The following QRSL1 variants were observed in gnomAD, a reference collection of about 807,000 sequenced individuals.
The protein encoded by QRSL1 is glutamyl-tRNA(Gln) amidotransferase subunit A, mitochondrial.
Under a neutral mutation model 61.6 loss-of-function variants are expected in QRSL1, and 54 were observed. That is an observed-to-expected ratio of 0.88 (90% confidence interval 0.70 to 1.10). The LOEUF is 1.10. QRSL1 is among the 50% of genes least tolerant of loss of function. The pLI, the probability that QRSL1 is intolerant of heterozygous loss-of-function variation, is 0.00. For synonymous variants in QRSL1, 228 were observed against 225.7 expected (o/e 1.01, Z -0.09); for missense variants, 505 against 622.6 (o/e 0.81, Z 2.01).
intron 9 of QRSL1, among the ~76,000 whole-genome samples, chr6:106,656,360 T>A (rs1322018047): frequency 6.6e-6 from 1 of 152,236 alleles, no homozygotes; most frequent in Non-Finnish European, 1.5e-5. Context: ...AGTTGTATTG[T>A]CTCTTGAAAA....
chr6:106,644,381 C>G (rs940819783), intron 4 of QRSL1, among the ~76,000 whole-genome samples: 2 of 152,174 alleles, frequency 1.3e-5, no homozygotes, highest in Non-Finnish European at 2.9e-5. Flanking sequence ...TGGTCTTGAA[C>G]TCCTGGCATC....
chr6:106,659,648 T>C (rs966388869), intron 9 of QRSL1, among the ~76,000 whole-genome samples: 3 of 152,222 alleles, frequency 2.0e-5, no homozygotes, highest in Admixed American at 6.5e-5. Flanking sequence ...ACTTTTGTTA[T>C]ATTCCTTTAA....
At position 106,665,949 on chromosome 6, in the gene QRSL1, T is replaced by A. The variant is rs1236787879; in HGVS notation, c.1534T>A (p.Cys512Ser). 3.1e-6 allele frequency: 5 copies of A among 1,613,900 alleles called. No homozygotes were observed. The highest frequency in any genetic ancestry group is 4.2e-6 in the Non-Finnish European group (5 of 1,179,876). ...VIQLQELMDD[C>S]SAVLENEKLA... ...TCAACTTCAAGAACTCATGGATGAT[T>A]GTTCAGCAGTCCTTGAAAATGAAAA... The change falls in exon 11 of 11, where the codon TGT becomes AGT. Residue 512 changes from cysteine to serine, a missense_variant. Coordinates refer to ENST00000369046, the MANE Select transcript of QRSL1 (RefSeq NM_018292.5).
In QRSL1 at chr6:106,647,397, T is replaced by A. The variant is rs1435074573; in HGVS notation, c.381-1628T>A. 2.0e-5 allele frequency among the ~76,000 whole-genome samples: 3 copies of A among 151,774 alleles called. No homozygotes were observed. In the East Asian group the frequency reaches 5.9e-4, roughly 30 times the overall value. ...GCCCACACCTGTAATCTCAGCACTT[T>A]GGGAGGCCAAGGCATGGTAGTGGAT... On this transcript the variant is annotated intron_variant, in intron 4 of 10. Transcript: ENST00000369046.
chr6:106,642,267 G>A (rs140673405), intron 3 of QRSL1, among the ~76,000 whole-genome samples: 16 of 152,286 alleles, frequency 1.1e-4, no homozygotes, highest in African/African-American at 3.6e-4. Context: ...CATTGGCCAG[G>A]CTGGTCTCGA....
intron 5 of QRSL1, among the ~76,000 whole-genome samples, chr6:106,650,355 A>G (rs1777173158): frequency 6.6e-6 from 1 of 152,224 alleles, no homozygotes; most frequent in African/African-American, 2.4e-5. Context: ...TGACACTGTA[A>G]GAAAGGAAAT....
chr6:106,662,144 A>G (rs1202003111), intron 9 of QRSL1, among the ~76,000 whole-genome samples: 1 of 152,204 alleles, frequency 6.6e-6, no homozygotes, highest in Non-Finnish European at 1.5e-5. Context: ...TAAAATAAGC[A>G]TTCTTGAATT....
intron 1 of QRSL1, among the ~76,000 whole-genome samples, chr6:106,634,135 G>A (rs1018522339): frequency 1.3e-5 from 2 of 152,088 alleles, no homozygotes; most frequent in African/African-American, 4.8e-5. Context: ...GGGGAACACT[G>A]GGCAGATCTG....
At position 106,640,394 on chromosome 6, in the gene QRSL1, T is replaced by G. The variant is rs373128515; in HGVS notation, c.70T>G (p.Cys24Gly). 6 of 1,612,320 alleles carry G rather than the reference T, an allele frequency of 3.7e-6. No individual in the cohort carries two copies. The highest frequency in any genetic ancestry group is 5.1e-6 in the Non-Finnish European group (6 of 1,178,652). ...AGGCCAAATTACACCAACAGAGCTC[T>G]GTCAAAAATGTCTCTCTCTTATCAA... is the stretch of plus-strand genomic sequence containing the variant. ...KQGQITPTEL[C>G]QKCLSLIKKT... Residue 24 changes from cysteine to glycine, a missense_variant, in exon 2 of 11, where the codon TGT (cysteine) becomes GGT (glycine). Physicochemically the swap from Cys to Gly is radical, Grantham distance 159. Transcript: ENST00000369046.
rs757735553 is a variant in QRSL1, at chr6:106,642,979, C to T, written c.284-15C>T. 1.9e-6 allele frequency: 3 copies of T among 1,546,278 alleles called. No individual in the cohort carries two copies. The highest frequency in any genetic ancestry group is 2.6e-6 in the Non-Finnish European group (3 of 1,134,432). ...TGGACTGTAAAAAAAATAATAGTAA[C>T]TAAATTTTTTTCAGGTTATATACCA... On this transcript the variant is annotated splice_polypyrimidine_tract_variant and intron_variant, in intron 3 of 10. Coordinates refer to ENST00000369046, the MANE Select transcript of QRSL1 (RefSeq NM_018292.5).
At chr6:106,648,555 G>A (rs1182033406) in intron 4 of QRSL1, among the ~76,000 whole-genome samples, 2 of 152,182 alleles carry the variant, frequency 1.3e-5, no homozygotes, top group African/African-American at 4.8e-5. Flanking sequence ...CCGTAGGTAT[G>A]TCTGGGTAAA....
intron 3 of QRSL1, chr6:106,642,527 G>A (rs1277545661): frequency 3.4e-5 from 24 of 702,610 alleles, no homozygotes; most frequent in Non-Finnish European, 5.2e-6. Flanking sequence ...ACAAAACAGG[G>A]AGTTGTTTGC....
At chr6:106,635,864 C>G (rs1179978951) in intron 1 of QRSL1, among the ~76,000 whole-genome samples, 1 of 150,542 alleles carries the variant, frequency 6.6e-6, no homozygotes, top group Non-Finnish European at 1.5e-5. Context: ...GAGCGAGACT[C>G]CATTTCAAAA....
At position 106,640,886 on chromosome 6, in the gene QRSL1, G is replaced by A. The variant is rs947480865; in HGVS notation, c.248G>A (p.Gly83Asp). 1 of 1,613,660 alleles carries A rather than the reference G, an allele frequency of 6.2e-7. No homozygotes were observed. The change falls in exon 3 of 11, where the codon GGC becomes GAC. Residue 83 changes from glycine to aspartate, a missense_variant. By Grantham distance (94) the Gly-to-Asp change is moderately conservative. Coordinates refer to ENST00000369046, the MANE Select transcript of QRSL1 (RefSeq NM_018292.5). Reference sequence around the variant, plus strand: ...GTAAAAGACAATTTCAGCACTTCTGGCATTGAGACAACATGTGCATCAAAT... The same window carrying A: ...GTAAAAGACAATTTCAGCACTTCTGACATTGAGACAACATGTGCATCAAAT... The part of the protein sequence containing the change: ...IAVKDNFSTS[G>D]IETTCASNML...
chr6:106,641,462 C>T (rs1030649258), intron 3 of QRSL1, among the ~76,000 whole-genome samples: 1 of 152,134 alleles, frequency 6.6e-6, no homozygotes, highest in East Asian at 1.9e-4. Flanking sequence ...TTTCCTGATT[C>T]CTCTATCTCT....
chr6:106,643,855 C>A (rs1312255166), intron 4 of QRSL1, among the ~76,000 whole-genome samples: 1 of 150,928 alleles, frequency 6.6e-6, no homozygotes, highest in Non-Finnish European at 1.5e-5. Context: ...CAATTTTTTT[C>A]TTTTTTCTCT....
rs141409908 is a variant in QRSL1 at position 106,665,853 on chromosome 6, C to T, written c.1438C>T (p.Arg480Cys). ...GCCAATAGGACTGCAGTTTATTGGA[C>T]GTGCGTTTTGTGACCAGCAGCTTCT... ...GLPIGLQFIG[R>C]AFCDQQLLTV... Residue 480 changes from arginine to cysteine, a missense_variant, in exon 11 of 11, where the codon CGT (arginine) becomes TGT (cysteine). Coordinates refer to ENST00000369046, the MANE Select transcript of QRSL1 (RefSeq NM_018292.5). 5.8e-5 allele frequency: 94 copies of T among 1,613,926 alleles called. No individual in the cohort carries two copies. The African/African-American group carries it at 9.6e-4, about 16-fold the overall frequency.
chr6:106,666,339 T>C lies in QRSL1; in HGVS notation c.*337T>C, dbSNP rs1777435044. 2 of 246,352 alleles carry C rather than the reference T, an allele frequency of 8.1e-6. No individual in the cohort carries two copies. Among genetic ancestry groups the C allele is most frequent in the South Asian group, 5.0e-5 (1 of 19,926 alleles). The allele number at this position is 246,352 out of a possible 1,614,324, so 15.3% of individuals were successfully genotyped here. A position where few individuals can be genotyped will look rare whatever the true frequency, so the allele number is the denominator to read the frequency against. Reference sequence around the variant, plus strand: ...CTCAAAATAAATAAATAAAATAAAATAAAATGACGTACAGAGATTCTATAT... The same window carrying C: ...CTCAAAATAAATAAATAAAATAAAACAAAATGACGTACAGAGATTCTATAT... On this transcript the variant is annotated 3_prime_UTR_variant, in exon 11 of 11. Coordinates refer to ENST00000369046, the MANE Select transcript of QRSL1 (RefSeq NM_018292.5).
intron 4 of QRSL1, among the ~76,000 whole-genome samples, chr6:106,643,847 A>T (rs1244497508): frequency 6.6e-6 from 1 of 150,406 alleles, no homozygotes; most frequent in Admixed American, 6.6e-5. Context: ...CAGTTTATCA[A>T]TTTTTTTCTT....
Sources: allele counts gnomAD v4.1 joint callset (sites outside exome capture counted in the v4.1 genomes callset), GRCh38; gene constraint gnomAD v4.1.1; transcripts MANE v1.5; gene names NCBI Gene and HGNC (gene_info 2026-07-23, HGNC 2026-07-21).